The following SYP variants were observed in gnomAD, a reference collection of about 807,000 sequenced individuals.
SYP encodes synaptophysin.
SYP carries 2 observed loss-of-function variants against 24.3 expected under a neutral mutation model. The observed-to-expected ratio is 0.08, with a 90% CI of 0.03 to 0.26. The LOEUF (loss-of-function observed/expected upper bound fraction) is 0.26, where lower values mean the gene tolerates loss of function less well. Among genes scored for constraint, SYP ranks in the 10% least tolerant of loss-of-function variants. The pLI, the probability that SYP is intolerant of heterozygous loss-of-function variation, is 1.00. For missense variants in SYP, 216 were observed against 266.3 expected, an observed-to-expected ratio of 0.81 and a Z score of 1.32; for synonymous variants, 143 against 123.2, an observed-to-expected ratio of 1.16 and a Z score of -1.07.
chrX:49,193,201 A>T (rs1158463463), intron 5 of SYP, 71 bp downstream of exon 5: 1 of 1,128,512 alleles, frequency 8.9e-7, no homozygotes, highest in African/African-American at 1.8e-5. Context: ...TTATTCTCCC[A>T]CTCCACCACT....
In SYP at chrX:49,191,499, C is replaced by T; in HGVS notation, c.880G>A (p.Asp294Asn). ...GGGCCGTAGCCTTGCTGCCCATAGT[C>T]GCCCTGAGGCCCGTAGCCACTGCCA... ...SGGSGYGPQG[D>N]YGQQGYGPQG... The change falls in exon 6 of 7, where the codon GAC becomes AAC. Residue 294 changes from aspartate (D) to asparagine (N), a missense_variant. Around this residue, in one of 2 missense-constraint regions of SYP, gnomAD observed 114 missense variants for 107.9 expected, o/e 1.06. Transcript: ENST00000263233. The T allele has an allele frequency of 8.3e-7, 1 of 1,211,373 alleles. No individual in the cohort carries two copies. Among genetic ancestry groups the T allele is most frequent in the Non-Finnish European group, 1.1e-6 (1 of 895,461 alleles).
rs782722484 is a variant in SYP, at chrX:49,189,450, C to A, written c.*5-168G>T. ...GAGAAGATATACCTGACCTTGCCCC[C>A]ACTGGGTTAGGTACCAAAGAGATTA... On this transcript the variant is annotated intron_variant, in intron 6 of 6. Coordinates refer to ENST00000263233, the MANE Select transcript of SYP (RefSeq NM_003179.3). 6.3e-5 allele frequency among the ~76,000 whole-genome samples: 7 copies of A among 111,131 alleles called. No individual in the cohort carries two copies. The South Asian group carries it at 2.6e-3, about 42-fold the overall frequency.
rs782722141 is a variant in SYP, at chrX:49,194,214, G to A, written c.375C>T (p.Tyr125=). 1.3e-5 allele frequency: 16 copies of A among 1,209,574 alleles called. No individual in the cohort carries two copies. The highest frequency in any genetic ancestry group is 1.7e-5 in the Non-Finnish European group (15 of 895,178). The part of the protein sequence containing the change: ...FLYSMGALAT[Y]IFLQNKYREN... ...CTCGGTACTTGTTCTGCAGGAAGAT[G>A]TAGGTGGCCAGAGCCCCCATGGAGT... Residue 125 remains tyrosine (Y), a synonymous_variant, in exon 4 of 7, where the codon TAC becomes TAT. Transcript: ENST00000263233.
chrX:49,199,987 C>A (rs782353106), intron 1 of SYP, among the ~76,000 whole-genome samples, 164 bp downstream of exon 1: 1 of 111,621 alleles, frequency 9.0e-6, no homozygotes, highest in South Asian at 3.7e-4. Flanking sequence ...TCTCCACCTC[C>A]CCCTTCCTCC....
intron 6 of SYP, chrX:49,190,925 G>C (rs1478890377): frequency 4.6e-5 from 6 of 129,284 alleles, no homozygotes; most frequent in Non-Finnish European, 9.5e-5. Context: ...CTCCCCTCCA[G>C]CGTTGGGGAG....
At chrX:49,193,523 TG>T in intron 4 of SYP, 60 bp from the exon 5 acceptor site, 1 of 1,149,873 alleles carries the variant, frequency 8.7e-7, no homozygotes, top group South Asian at 1.9e-5. Flanking sequence ...CGCTAGGCCC[TG>T]GGGCCTCCTC....
intron 2 of SYP, chrX:49,198,453 C>T: frequency 8.1e-6 from 1 of 122,766 alleles, no homozygotes; most frequent in South Asian, 2.8e-4. Flanking sequence ...CCCTGTTTTC[C>T]TGCCTCTCTC....
chrX:49,190,924 A>C (rs1191624581), intron 6 of SYP: 6 of 126,912 alleles, frequency 4.7e-5, no homozygotes, highest in Non-Finnish European at 9.7e-5. Flanking sequence ...CCTCCCCTCC[A>C]GCGTTGGGGA....
intron 4 of SYP, 49 bp downstream of exon 4, chrX:49,194,117 G>A (rs1448587377): frequency 8.4e-7 from 1 of 1,190,039 alleles, no homozygotes; most frequent in Non-Finnish European, 1.1e-6. Context: ...GTGTCCCTGG[G>A]GTTCCGTGTC....
At chrX:49,194,058 G>A in intron 4 of SYP, 108 bp downstream of exon 4, 2 of 929,410 alleles carry the variant, frequency 2.2e-6, no homozygotes, top group Non-Finnish European at 3.1e-6. Context: ...TATGGTGGCT[G>A]TTTGCATGTG....
intron 4 of SYP, 37 bp from the exon 5 acceptor site, chrX:49,193,500 G>A: frequency 8.3e-7 from 1 of 1,200,192 alleles, no homozygotes; most frequent in Non-Finnish European, 1.1e-6. Context: ...AGCACTGTGA[G>A]TGGACTGCTT....
In SYP at chrX:49,190,170, C is replaced by A. The variant is rs187676456; in HGVS notation, c.*5-888G>T. Reference sequence around the variant, plus strand: ...TCCCTCCTATCTGAGGGAAATCTCACTTCTCTTTTTCTTTTTTTTTTTGTT... The same window carrying A: ...TCCCTCCTATCTGAGGGAAATCTCAATTCTCTTTTTCTTTTTTTTTTTGTT... On this transcript the variant is annotated intron_variant, in intron 6 of 6. Transcript: ENST00000263233. Among the ~76,000 whole-genome samples, 14 of 109,804 alleles carry A rather than the reference C, an allele frequency of 1.3e-4. No individual in the cohort carries two copies. The East Asian group carries it at 3.7e-3, about 29-fold the overall frequency.
At chrX:49,193,819 G>A (rs2065519167) in intron 4 of SYP, among the ~76,000 whole-genome samples, 1 of 112,073 alleles carries the variant, frequency 8.9e-6, no homozygotes, top group South Asian at 3.7e-4. Flanking sequence ...GTACAGTGGT[G>A]TAGGAATCAG....
intron 3 of SYP, 70 bp downstream of exon 3, chrX:49,197,645 G>C (rs782367088): frequency 8.6e-7 from 1 of 1,164,653 alleles, no homozygotes; most frequent in Admixed American, 2.5e-5. Context: ...CTTGCGGGGG[G>C]AGGTATTGGC....
At chrX:49,200,108 G>T in intron 1 of SYP, 43 bp downstream of exon 1, 1 of 1,162,643 alleles carries the variant, frequency 8.6e-7, no homozygotes, top group Non-Finnish European at 1.1e-6. Context: ...GGCCTAGGCA[G>T]CCGGGCGGCG....
At chrX:49,194,777 C>T (rs782736212) in intron 3 of SYP, among the ~76,000 whole-genome samples, 3 of 101,996 alleles carry the variant, frequency 2.9e-5, no homozygotes, top group Non-Finnish European at 4.0e-5. Context: ...GGCACAATCC[C>T]GGCTCACTGC....
At chrX:49,200,100 C>G in intron 1 of SYP, 51 bp downstream of exon 1, 1 of 1,161,617 alleles carries the variant, frequency 8.6e-7, no homozygotes, top group Non-Finnish European at 1.2e-6. Flanking sequence ...AGCGACCCGG[C>G]CTAGGCAGCC....
chrX:49,191,597 C>T lies in SYP; in HGVS notation c.782G>A (p.Gly261Glu), dbSNP rs782324515. The T allele has an allele frequency of 3.4e-5, 41 of 1,208,381 alleles. No individual in the cohort carries two copies. The highest frequency in any genetic ancestry group is 7.8e-6 in the Non-Finnish European group (7 of 894,568). Reference protein sequence around the residue: ...GDAGYGQGPGGYGPQDSYGPQ... With the variant: ...GDAGYGQGPGEYGPQDSYGPQ... ...CCCGTAGGAATCCTGGGGCCCGTAC[C>T]CGCCGGGGCCCTGCCCGTAGCCTGC... Residue 261 changes from glycine (G) to glutamate (E), a missense_variant, in exon 6 of 7, where the codon GGG becomes GAG. Transcript: ENST00000263233.
intron 2 of SYP, 35 bp downstream of exon 2, chrX:49,198,933 C>A: frequency 8.3e-7 from 1 of 1,207,836 alleles, no homozygotes; most frequent in Non-Finnish European, 1.1e-6. Flanking sequence ...CCCTCTCTCC[C>A]TGCACTCTGC....
Sources: gnomAD v4.1 joint callset for allele counts (sites outside exome capture counted in the v4.1 genomes callset) on GRCh38, gnomAD v4.1.1 for gene constraint, gnomAD v4.1.1 regional missense constraint, MANE v1.5 for transcripts, NCBI Gene and HGNC (gene_info 2026-07-23, HGNC 2026-07-21) for gene names.